CSMD1: variants seen among roughly 807,000 people sequenced by gnomAD.
The protein encoded by CSMD1 is CUB and Sushi multiple domains 1, also known as CUB and sushi domain-containing protein 1.
Under a neutral mutation model 417.5 loss-of-function variants are expected in CSMD1, and 213 were observed. The ratio of observed to expected loss-of-function variants is 0.51; its 90% CI spans 0.46 to 0.57. The LOEUF is 0.57. Ranked by LOEUF, CSMD1 falls within the 20% of genes least tolerant of loss-of-function variation. The probability of loss-of-function intolerance (pLI) is 0.00; values close to 1 mark genes in which losing one functional copy is unlikely to be tolerated. For missense variants in CSMD1, 6,923 were observed against 4,529.7 expected (o/e 1.53, Z -15.17); for synonymous variants, 2,862 against 1,736.8 (o/e 1.65, Z -16.11).
At chr8:4,251,672 T>C (rs1803085368) in intron 3 of CSMD1, among the ~76,000 whole-genome samples, 1 of 152,050 alleles carries the variant, frequency 6.6e-6, no homozygotes, top group Non-Finnish European at 1.5e-5. Flanking sequence ...TAGTCTGGGA[T>C]TGGTGGGGAG....
intron 18 of CSMD1, among the ~76,000 whole-genome samples, chr8:3,382,861 T>C (rs962145063): frequency 2.6e-5 from 4 of 152,094 alleles, no homozygotes; most frequent in African/African-American, 9.7e-5. Flanking sequence ...CAATGTTTTT[T>C]CATTTACTGT....
At chr8:3,778,705 TC>T (rs1012940318) in intron 5 of CSMD1, among the ~76,000 whole-genome samples, 9 of 152,320 alleles carry the variant, frequency 5.9e-5, no homozygotes, top group African/African-American at 2.2e-4. Flanking sequence ...AAGATCATCT[TC>T]CGAGCACCGC....
At chr8:4,180,187 A>G (rs188133297) in intron 3 of CSMD1, among the ~76,000 whole-genome samples, 9 of 152,252 alleles carry the variant, frequency 5.9e-5, no homozygotes, top group Admixed American at 5.9e-4. Context: ...CAAATGTCCA[A>G]CAATGATAGA....
chr8:3,037,789 T>C (rs923973448), intron 50 of CSMD1, among the ~76,000 whole-genome samples: 1 of 152,188 alleles, frequency 6.6e-6, no homozygotes, highest in African/African-American at 2.4e-5. Context: ...AGGAAGTAAT[T>C]TATGGGCTCA....
chr8:4,817,416 G>T (rs1230282094), intron 1 of CSMD1, among the ~76,000 whole-genome samples: 1 of 152,226 alleles, frequency 6.6e-6, no homozygotes, highest in Non-Finnish European at 1.5e-5. Context: ...CTCTGGCACA[G>T]CACAGCAAGT....
At chr8:3,066,435 G>A (rs1668459902) in intron 49 of CSMD1, among the ~76,000 whole-genome samples, 2 of 152,154 alleles carry the variant, frequency 1.3e-5, no homozygotes, top group African/African-American at 2.4e-5. Flanking sequence ...TTTCCATTAC[G>A]CATTTGAACA....
chr8:3,367,271 G>GAGAGAGAGAC (rs1809648732), intron 19 of CSMD1, 24 bp from the exon 20 acceptor site: 1 of 1,554,244 alleles, frequency 6.4e-7, no homozygotes, highest in African/African-American at 1.4e-5. Flanking sequence ...CCGGGGGAGA[G>GAGAGAGAGAC]AGAGAGAGAC....
chr8:4,900,372 C>A (rs1013759726), intron 1 of CSMD1, among the ~76,000 whole-genome samples: 1 of 152,164 alleles, frequency 6.6e-6, no homozygotes, highest in Admixed American at 6.5e-5. Context: ...TGGAGCAACC[C>A]TTGACGAACC....
At chr8:4,559,718 G>A (rs1364209348) in intron 2 of CSMD1, among the ~76,000 whole-genome samples, 1 of 152,242 alleles carries the variant, frequency 6.6e-6, no homozygotes, top group Non-Finnish European at 1.5e-5. Context: ...CTGCGTAGCA[G>A]CTCCATCAGT....
Position 3,633,134 on chromosome 8 carries a change from A to G in CSMD1, c.1010-16337T>C, listed in dbSNP as rs114652886. The stretch of plus-strand genomic sequence containing the variant: ...ACATTTATTTCTCTAACTTTATGTT[A>G]CCAAGAATTTATAGACAGTAAATCA... On this transcript the variant is annotated intron_variant, in intron 7 of 69. Coordinates refer to ENST00000635120, the MANE Select transcript of CSMD1 (RefSeq NM_033225.6). Among the ~76,000 whole-genome samples, 342 of 152,362 alleles carry G rather than the reference A, an allele frequency of 2.2e-3. 1 individual carries two copies. The highest frequency in any genetic ancestry group is 7.9e-3 in the African/African-American group (327 of 41,588).
chr8:4,782,955 A>C (rs1044894379), intron 1 of CSMD1, among the ~76,000 whole-genome samples: 2 of 152,062 alleles, frequency 1.3e-5, no homozygotes, highest in Non-Finnish European at 2.9e-5. Context: ...ACACTCAAAA[A>C]AAAAAAAAGA....
chr8:4,035,952 G>A (rs1040037618), intron 3 of CSMD1, among the ~76,000 whole-genome samples: 3 of 152,186 alleles, frequency 2.0e-5, no homozygotes, highest in South Asian at 4.2e-4. Flanking sequence ...TCTATTCACG[G>A]TAAGTGTCCT....
intron 52 of CSMD1, among the ~76,000 whole-genome samples, chr8:3,006,362 G>C (rs1362559537): frequency 1.3e-5 from 2 of 148,362 alleles, no homozygotes; most frequent in South Asian, 2.2e-4. Context: ...GTAATTTACA[G>C]ATTCAATGCC....
intron 52 of CSMD1, among the ~76,000 whole-genome samples, chr8:3,007,431 A>G (rs558013453): frequency 1.3e-4 from 19 of 151,476 alleles, no homozygotes; most frequent in African/African-American, 4.4e-4. Flanking sequence ...GTATATACCC[A>G]AAGGACTATA....
chr8:4,378,265 C>T (rs1331791447), intron 3 of CSMD1, among the ~76,000 whole-genome samples: 1 of 152,210 alleles, frequency 6.6e-6, no homozygotes, highest in Non-Finnish European at 1.5e-5. Flanking sequence ...TTTGTCAATA[C>T]ATTGTCCCTG....
At chr8:4,353,246 C>T (rs1329353799) in intron 3 of CSMD1, among the ~76,000 whole-genome samples, 1 of 152,080 alleles carries the variant, frequency 6.6e-6, no homozygotes, top group Non-Finnish European at 1.5e-5. Flanking sequence ...CCAGACTGTT[C>T]TTCTGGTAGT....
intron 3 of CSMD1, among the ~76,000 whole-genome samples, chr8:4,209,958 C>T (rs1318527205): frequency 6.6e-6 from 1 of 152,174 alleles, no homozygotes; most frequent in African/African-American, 2.4e-5. Flanking sequence ...GGTAAACTGG[C>T]ATGGCACACT....
intron 3 of CSMD1, among the ~76,000 whole-genome samples, chr8:4,101,984 G>A (rs377585244): frequency 1.7e-3 from 265 of 152,246 alleles, no homozygotes; most frequent in Non-Finnish European, 3.0e-3. Context: ...CATGGTGTTG[G>A]GGACTGGGGA....
chr8:4,578,337 T>TC (rs1312825221), intron 2 of CSMD1, among the ~76,000 whole-genome samples: 6 of 128,640 alleles, frequency 4.7e-5, no homozygotes, highest in African/African-American at 1.8e-4. Flanking sequence ...GGCTCATTTT[T>TC]TTTTTTTTTT....
Sources: gnomAD v4.1 joint callset for allele counts (sites outside exome capture counted in the v4.1 genomes callset) on GRCh38, gnomAD v4.1.1 for gene constraint, MANE v1.5 for transcripts, NCBI Gene and HGNC (gene_info 2026-07-23, HGNC 2026-07-21) for gene names.